HYDIN: variants seen among roughly 807,000 people sequenced by gnomAD.
The protein encoded by HYDIN is HYDIN axonemal central pair apparatus protein.
In HYDIN, 132 loss-of-function variants were observed where a neutral mutation model predicts 403.9. The observed-to-expected ratio is 0.33, with a 90% confidence interval of 0.28 to 0.38. The LOEUF (loss-of-function observed/expected upper bound fraction) is 0.38, where lower values mean the gene tolerates loss of function less well. Ranked by LOEUF, HYDIN falls within the 10% of genes least tolerant of loss-of-function variation. The probability of loss-of-function intolerance (pLI) is 1.00; values close to 1 mark genes in which losing one functional copy is unlikely to be tolerated. For synonymous variants in HYDIN, 1,202 were observed against 1,891.7 expected (o/e 0.64, Z 9.46); for missense variants, 2,827 against 5,009.5 (o/e 0.56, Z 13.15).
intron 1 of HYDIN, among the ~76,000 whole-genome samples, chr16:71,192,022 C>T (rs1250609050): frequency 6.6e-6 from 1 of 152,130 alleles, no homozygotes; most frequent in African/African-American, 2.4e-5. Flanking sequence ...CCCACAGCAA[C>T]CCTAGATGAA....
chr16:70,956,937 A>C (rs2078258429), intron 39 of HYDIN, among the ~76,000 whole-genome samples: 1 of 149,192 alleles, frequency 6.7e-6, no homozygotes, highest in Non-Finnish European at 1.5e-5. Context: ...ACTTTCCATT[A>C]ATTCAATACA....
intron 45 of HYDIN, among the ~76,000 whole-genome samples, chr16:70,923,461 T>C (rs1597331959): frequency 5.3e-5 from 4 of 75,900 alleles, no homozygotes; most frequent in African/African-American, 1.5e-4. Flanking sequence ...AGAGTGAAAC[T>C]CCATCTCCAA....
intron 1 of HYDIN, among the ~76,000 whole-genome samples, chr16:71,199,398 C>T (rs2055110865): frequency 6.6e-6 from 1 of 152,168 alleles, no homozygotes; most frequent in African/African-American, 2.4e-5. Flanking sequence ...CTCCCTCTAT[C>T]CTTGGCAGGC....
At chr16:70,970,429 T>C (rs1435043836) in intron 36 of HYDIN, 91 bp downstream of exon 36, 6 of 949,510 alleles carry the variant, frequency 6.3e-6, no homozygotes, top group East Asian at 2.4e-5. Context: ...GAAAAGGCTA[T>C]AGGGAAGTAA....
At chr16:71,227,543 A>G (rs2041090545) in intron 1 of HYDIN, among the ~76,000 whole-genome samples, 2 of 152,208 alleles carry the variant, frequency 1.3e-5, no homozygotes, top group Admixed American at 6.5e-5. Flanking sequence ...GAGCCAAATC[A>G]TGAGTGAACT....
At position 71,070,118 on chromosome 16, in the gene HYDIN, C is replaced by A. The variant is rs1363829283; in HGVS notation, c.1739-616G>T. Among the ~76,000 whole-genome samples, 3 of 152,130 alleles carry A rather than the reference C, an allele frequency of 2.0e-5. 1 individual carries two copies. Among genetic ancestry groups the A allele is most frequent in the East Asian group, 3.9e-4 (2 of 5,184 alleles). ...GAGCCAGCCAGAGACTAACACCTGG[C>A]TTTTACCTCTCTTAGACAAAGCTGC... On this transcript the variant is annotated intron_variant, in intron 13 of 85. Transcript: ENST00000393567.
intron 1 of HYDIN, among the ~76,000 whole-genome samples, chr16:71,223,041 T>A (rs1456143557): frequency 6.6e-6 from 1 of 151,806 alleles, no homozygotes; most frequent in Non-Finnish European, 1.5e-5. Flanking sequence ...AAAGAACAAA[T>A]CTAGAGGCAT....
chr16:71,196,433 G>A (rs1314312349), intron 1 of HYDIN, among the ~76,000 whole-genome samples: 1 of 152,148 alleles, frequency 6.6e-6, no homozygotes, highest in Non-Finnish European at 1.5e-5. Context: ...TCAATCTCTT[G>A]CCCTCAGTGC....
rs1224427467 is a variant in HYDIN, at chr16:70,804,525, C to T, written c.*3055G>A. Among the ~76,000 whole-genome samples, 4 of 152,146 alleles carry T rather than the reference C, an allele frequency of 2.6e-5. No homozygotes were observed. Among genetic ancestry groups the T allele is most frequent in the East Asian group, 3.9e-4 (2 of 5,190 alleles). Reference sequence around the variant, plus strand: ...GATGAAATCATCAGGATGTGGAAACCGCATTCTTTGGTGAATCAGCTTCTC... The same window carrying T: ...GATGAAATCATCAGGATGTGGAAACTGCATTCTTTGGTGAATCAGCTTCTC... On this transcript the variant is annotated 3_prime_UTR_variant, in exon 86 of 86. Transcript: ENST00000393567.
intron 83 of HYDIN, 50 bp from the exon 84 acceptor site, chr16:70,818,622 C>G (rs753495372): frequency 3.0e-6 from 2 of 671,856 alleles, no homozygotes; most frequent in African/African-American, 3.7e-5. Flanking sequence ...AGGGGTGAGC[C>G]GAGGGTCCTC....
At chr16:71,176,894 G>A (rs1042013522) in intron 4 of HYDIN, among the ~76,000 whole-genome samples, 5 of 152,158 alleles carry the variant, frequency 3.3e-5, no homozygotes. Flanking sequence ...CGACAGTGAG[G>A]AAGCAAATAA....
chr16:70,945,048 C>T (rs185583372), intron 41 of HYDIN, among the ~76,000 whole-genome samples: 137 of 152,334 alleles, frequency 9.0e-4, no homozygotes, highest in African/African-American at 3.3e-3. Context: ...CCATTGCACC[C>T]AGCCTGATTT....
chr16:71,003,586 A>AG (rs2079793732), intron 23 of HYDIN, among the ~76,000 whole-genome samples: 1 of 151,468 alleles, frequency 6.6e-6, no homozygotes, highest in Non-Finnish European at 1.5e-5. Flanking sequence ...GATCACCTGA[A>AG]GTCAGCAGTT....
chr16:71,114,637 C>T (rs1009990904), intron 10 of HYDIN, among the ~76,000 whole-genome samples: 3 of 146,088 alleles, frequency 2.1e-5, no homozygotes, highest in African/African-American at 7.7e-5. Flanking sequence ...CATGCATATA[C>T]ACACATTTAC....
chr16:71,226,768 T>C (rs1374215600), intron 1 of HYDIN, among the ~76,000 whole-genome samples: 2 of 152,012 alleles, frequency 1.3e-5, no homozygotes, highest in Non-Finnish European at 2.9e-5. Flanking sequence ...TCCCAGAGAG[T>C]ATAAAGGAAC....
chr16:71,065,080 T>C (rs2082216470), intron 15 of HYDIN, among the ~76,000 whole-genome samples: 1 of 152,242 alleles, frequency 6.6e-6, no homozygotes, highest in Non-Finnish European at 1.5e-5. Flanking sequence ...TGGTGGGTAA[T>C]GACTCACATT....
At chr16:71,036,513 CACG>C (rs1330927498) in intron 18 of HYDIN, among the ~76,000 whole-genome samples, 2 of 144,230 alleles carry the variant, frequency 1.4e-5, no homozygotes, top group East Asian at 4.0e-4. Context: ...ATCCTCTGTT[CACG>C]ATGAAGTGAG....
intron 78 of HYDIN, among the ~76,000 whole-genome samples, chr16:70,835,128 C>T (rs1375953007): frequency 1.3e-5 from 2 of 150,922 alleles, no homozygotes; most frequent in Admixed American, 6.6e-5. Flanking sequence ...TCCTGAATAG[C>T]TGGGATTACA....
chr16:71,190,172 C>A (rs915922499), intron 1 of HYDIN, among the ~76,000 whole-genome samples: 2 of 152,144 alleles, frequency 1.3e-5, no homozygotes, highest in Non-Finnish European at 2.9e-5. Flanking sequence ...ACAGAAATCA[C>A]AACTCCTTGG....
Sources: allele counts gnomAD v4.1 joint callset (sites outside exome capture counted in the v4.1 genomes callset), GRCh38; gene constraint gnomAD v4.1.1; transcripts MANE v1.5; gene names NCBI Gene and HGNC (gene_info 2026-07-23, HGNC 2026-07-21).